The following CREB3L1 variants were observed in gnomAD, a reference collection of about 807,000 sequenced individuals.
The protein encoded by CREB3L1 is cAMP responsive element binding protein 3 like 1, also known as cyclic AMP-responsive element-binding protein 3-like protein 1.
Under a neutral mutation model 54.5 loss-of-function variants are expected in CREB3L1, and 33 were observed. The observed-to-expected ratio is 0.61, with a 90% CI of 0.46 to 0.81. CREB3L1 has a LOEUF of 0.81. CREB3L1 is among the 30% of genes least tolerant of loss of function. CREB3L1 has a pLI of 0.00. For synonymous variants in CREB3L1, 284 were observed against 286.4 expected (o/e 0.99, Z 0.08); for missense variants, 656 against 673.3 (o/e 0.97, Z 0.29).
intron 3 of CREB3L1, among the ~76,000 whole-genome samples, chr11:46,309,185 C>G (rs1430700913): frequency 1.3e-5 from 2 of 152,080 alleles, no homozygotes; most frequent in African/African-American, 2.4e-5. Context: ...CTCCAAGGTC[C>G]CTGCCAACTT....
Position 46,290,864 on chromosome 11 carries a change from G to GC in CREB3L1, c.103-9067dup, listed in dbSNP as rs1939120418. ...TGAGACATCTGGATGCACTGGAAGG[G>GC]CCCCAGCTGGCCTGCATAACTGTGG... is the stretch of plus-strand genomic sequence containing the variant. On this transcript the variant is annotated intron_variant, in intron 1 of 11. Transcript: ENST00000621158. 1.4e-4 allele frequency among the ~76,000 whole-genome samples: 21 copies of GC among 152,216 alleles called. No homozygotes were observed. The South Asian group carries it at 4.1e-3, about 30-fold the overall frequency.
rs180739662 is a variant in CREB3L1 at position 46,294,491 on chromosome 11, C to G, written c.103-5444C>G. On this transcript the variant is annotated intron_variant, in intron 1 of 11. Transcript: ENST00000621158. ...ACTGTAATGGATGAGGAAACCGAGG[C>G]CAGGAGAGGAGACACCTGCCACTGC... Among the ~76,000 whole-genome samples, 253 of 152,284 alleles carry G rather than the reference C, an allele frequency of 1.7e-3. 1 individual carries two copies. The highest frequency in any genetic ancestry group is 1.8e-3 in the Non-Finnish European group (120 of 68,022).
At chr11:46,308,127 G>T in intron 3 of CREB3L1, 127 bp downstream of exon 3, 1 of 909,346 alleles carries the variant, frequency 1.1e-6, no homozygotes, top group Non-Finnish European at 1.6e-6. Context: ...CAGGGCTGAG[G>T]GTGGGAAGCC....
Position 46,300,126 on chromosome 11 carries a change from C to G in CREB3L1, c.294C>G (p.Ser98Arg), listed in dbSNP as rs768901290. The G allele has an allele frequency of 2.5e-6, 4 of 1,613,344 alleles. No homozygotes were observed. The highest frequency in any genetic ancestry group is 1.1e-5 in the South Asian group (1 of 90,958). ...YSLSGDSAPQ[S>R]PLVPIKMEDT... is the part of the protein sequence containing the mutation. ...TGAGCGGCGACTCAGCGCCCCAGAG[C>G]CCCCTTGTGCCCATCAAGATGGAGG... is the stretch of plus-strand genomic sequence containing the variant. The change falls in exon 2 of 12, where the codon AGC (serine) becomes AGG (arginine). Residue 98 changes from serine to arginine, a missense_variant. Coordinates refer to ENST00000621158, the MANE Select transcript of CREB3L1 (RefSeq NM_052854.4).
At chr11:46,313,831 G>A (rs777002470) in intron 8 of CREB3L1, among the ~76,000 whole-genome samples, 8 of 152,194 alleles carry the variant, frequency 5.3e-5, no homozygotes, top group African/African-American at 1.2e-4. Context: ...TAGCAGCCAC[G>A]TCAAGTCACA....
chr11:46,320,623 C>A lies in CREB3L1; in HGVS notation c.1524-87C>A, dbSNP rs1590354730. On this transcript the variant is annotated intron_variant, in intron 11 of 11. Coordinates refer to ENST00000621158, the MANE Select transcript of CREB3L1 (RefSeq NM_052854.4). ...CACATTGGCCACACCCTCCCAAGGC[C>A]CCATCCCTACTTGGTCTAGATCCAG... 6 of 1,552,210 alleles carry A rather than the reference C, an allele frequency of 3.9e-6. No homozygotes were observed. The East Asian group carries it at 1.4e-4, about 37-fold the overall frequency.
Position 46,309,996 on chromosome 11 carries a change from G to C in CREB3L1, c.524G>C (p.Gly175Ala), listed in dbSNP as rs781568350. The change falls in exon 4 of 12, where the codon GGA becomes GCA. Residue 175 changes from glycine (G) to alanine (A), a missense_variant. By Grantham distance (60) the Gly-to-Ala change is moderately conservative. This residue lies in a region of CREB3L1 where 339 missense variants were observed against 331.5 expected (regional missense o/e 1.02). Coordinates refer to ENST00000621158, the MANE Select transcript of CREB3L1 (RefSeq NM_052854.4). ...SRLPIPHQAP[G>A]EMTQLPVIKA... ...GGCTTGTCTGTTCCTCAGGCCCCGGGAGAGATGACTCAGCTGCCAGTGATC... is the reference window on the plus strand; with the variant it reads ...GGCTTGTCTGTTCCTCAGGCCCCGGCAGAGATGACTCAGCTGCCAGTGATC... 1.2e-6 allele frequency: 2 copies of C among 1,600,658 alleles called. No homozygotes were observed. The highest frequency in any genetic ancestry group is 1.7e-6 in the Non-Finnish European group (2 of 1,174,116).
At chr11:46,283,384 G>A (rs925284455) in intron 1 of CREB3L1, among the ~76,000 whole-genome samples, 1 of 152,184 alleles carries the variant, frequency 6.6e-6, no homozygotes, top group African/African-American at 2.4e-5. Flanking sequence ...ACAGGAGCAT[G>A]AGGCAGTCAC....
At chr11:46,281,854 A>G (rs1938980562) in intron 1 of CREB3L1, among the ~76,000 whole-genome samples, 1 of 152,218 alleles carries the variant, frequency 6.6e-6, no homozygotes, top group South Asian at 2.1e-4. Flanking sequence ...AACAGGAAAG[A>G]GGACAGAAGT....
At chr11:46,285,670 G>A (rs1939044829) in intron 1 of CREB3L1, among the ~76,000 whole-genome samples, 4 of 152,098 alleles carry the variant, frequency 2.6e-5, no homozygotes, top group Admixed American at 2.6e-4. Context: ...TAATTCCCCT[G>A]GGACAGAGCC....
At chr11:46,304,476 A>T (rs76132456) in intron 2 of CREB3L1, among the ~76,000 whole-genome samples, 2 of 150,260 alleles carry the variant, frequency 1.3e-5, no homozygotes, top group African/African-American at 4.9e-5. Context: ...CATCTCAAAG[A>T]AAAAAAAAAT....
At chr11:46,311,011 G>A (rs748649332) in intron 4 of CREB3L1, 21 bp from the exon 5 acceptor site, 37 of 1,553,272 alleles carry the variant, frequency 2.4e-5, no homozygotes, top group South Asian at 2.3e-4. Context: ...TTGCTAACTC[G>A]GTTTCCCCTG....
At chr11:46,312,978 C>A (rs1939514610) in intron 8 of CREB3L1, 59 bp downstream of exon 8, 2 of 1,258,038 alleles carry the variant, frequency 1.6e-6, no homozygotes, top group Non-Finnish European at 2.2e-6. Flanking sequence ...CCGTGCCTGG[C>A]TCTGCATAGC....
chr11:46,278,006 G>GCC lies in CREB3L1; in HGVS notation c.-101_-100dup. On this transcript the variant is annotated 5_prime_UTR_variant, in exon 1 of 12. Transcript: ENST00000621158. This position sits in a 1 kb window ranked among gnomAD's most constrained non-coding sequence, Gnocchi z 4.2. ...TCCCCCGGGGCTTCGCCCCGGACCTGCCCCCCGCCCGTTTGCCAGCGCTCA... is the reference window on the plus strand; with the variant it reads ...TCCCCCGGGGCTTCGCCCCGGACCTGCCCCCCCCGCCCGTTTGCCAGCGCTCA... 4.0e-6 allele frequency: 2 copies of GCC among 503,474 alleles called. No homozygotes were observed. Among genetic ancestry groups the GCC allele is most frequent in the Admixed American group, 4.5e-5 (1 of 22,384 alleles). 31.2% of individuals were successfully genotyped at this position (503,474 alleles called of 1,614,324 possible).
chr11:46,297,182 C>A (rs1277419749), intron 1 of CREB3L1, among the ~76,000 whole-genome samples: 1 of 152,234 alleles, frequency 6.6e-6, no homozygotes, highest in East Asian at 1.9e-4. Flanking sequence ...CAGGCCCGGG[C>A]TCTGCGGAGG....
chr11:46,316,035 C>T (rs1236462042), intron 8 of CREB3L1: 1 of 411,504 alleles, frequency 2.4e-6, no homozygotes, highest in Non-Finnish European at 4.4e-6. Flanking sequence ...CCTCCTCCAA[C>T]CCCCTTGGCC....
chr11:46,317,773 G>A (rs995460314), intron 10 of CREB3L1, among the ~76,000 whole-genome samples: 9 of 152,194 alleles, frequency 5.9e-5, no homozygotes, highest in African/African-American at 2.2e-4. Flanking sequence ...TAACAGGAAT[G>A]TTCCAGCCCT....
intron 1 of CREB3L1, among the ~76,000 whole-genome samples, chr11:46,285,880 C>A (rs1270771147): frequency 2.6e-5 from 4 of 152,188 alleles, no homozygotes; most frequent in African/African-American, 9.7e-5. Flanking sequence ...GCTCTTCAGG[C>A]CTTCATGGAG....
At chr11:46,288,569 G>A (rs1939089750) in intron 1 of CREB3L1, among the ~76,000 whole-genome samples, 1 of 152,160 alleles carries the variant, frequency 6.6e-6, no homozygotes, top group African/African-American at 2.4e-5. Flanking sequence ...TCAACTCTCT[G>A]GAGATGGAAG....
Sources: gnomAD v4.1 joint callset for allele counts (sites outside exome capture counted in the v4.1 genomes callset) on GRCh38, gnomAD v4.1.1 for gene constraint, gnomAD v4.1.1 regional missense constraint, Gnocchi (gnomAD v3.1) non-coding constraint, MANE v1.5 for transcripts, NCBI Gene and HGNC (gene_info 2026-07-23, HGNC 2026-07-21) for gene names.